PDE3B: variants seen among roughly 807,000 people sequenced by gnomAD.
PDE3B encodes phosphodiesterase 3B.
In PDE3B, 66 loss-of-function variants were observed where a neutral mutation model predicts 116.8. The observed-to-expected ratio is 0.56, with a 90% CI of 0.46 to 0.69. The LOEUF is 0.69. Ranked by LOEUF, PDE3B falls within the 30% of genes least tolerant of loss-of-function variation. PDE3B has a pLI of 0.00. For missense variants in PDE3B, 1,384 were observed against 1,368.1 expected, an observed-to-expected ratio of 1.01 and a Z score of -0.18; for synonymous variants, 595 against 533.6, an observed-to-expected ratio of 1.12 and a Z score of -1.59.
chr11:14,831,101 ATTATT>A (rs1859869739), intron 8 of PDE3B, among the ~76,000 whole-genome samples: 5 of 151,826 alleles, frequency 3.3e-5, no homozygotes, highest in African/African-American at 1.2e-4. Flanking sequence ...TATAAAATAT[ATTATT>A]TTCTATTCTG....
intron 3 of PDE3B, among the ~76,000 whole-genome samples, chr11:14,787,151 T>C (rs1166569301): frequency 6.6e-6 from 1 of 152,012 alleles, no homozygotes; most frequent in Non-Finnish European, 1.5e-5. Flanking sequence ...CTACTGAAGA[T>C]TACTGTAGCC....
intron 5 of PDE3B, among the ~76,000 whole-genome samples, chr11:14,811,165 G>T (rs370486818): frequency 7.5e-5 from 11 of 146,352 alleles, no homozygotes; most frequent in South Asian, 2.2e-4. Flanking sequence ...AGAAGCTCTT[G>T]AGTTTAATTA....
At chr11:14,876,371 T>C (rs1555009725), downstream of PDE3B, among the ~76,000 whole-genome samples, 1 of 152,064 alleles carries the variant, frequency 6.6e-6, no homozygotes, top group Admixed American at 6.6e-5. Context: ...TAAAGAAAGA[T>C]TCAAGAAGGT....
At chr11:14,815,411 C>T (rs1859292591) in intron 5 of PDE3B, among the ~76,000 whole-genome samples, 1 of 152,100 alleles carries the variant, frequency 6.6e-6, no homozygotes, top group Non-Finnish European at 1.5e-5. Flanking sequence ...GGCTGCCAAG[C>T]TCATTCAGGT....
chr11:14,815,969 A>ACACG (rs1554999073), intron 5 of PDE3B, among the ~76,000 whole-genome samples: 1 of 151,434 alleles, frequency 6.6e-6, no homozygotes, highest in African/African-American at 2.4e-5. Flanking sequence ...ACACACACAC[A>ACACG]CGCAGAGAAA....
intron 7 of PDE3B, among the ~76,000 whole-genome samples, chr11:14,820,232 C>CTTTTT (rs36115886): frequency 7.1e-6 from 1 of 140,768 alleles, no homozygotes; most frequent in Non-Finnish European, 1.5e-5. Context: ...CCAACTCATT[C>CTTTTT]TTTTTTTTTT....
At chr11:14,741,780 C>A (rs922174953) in intron 1 of PDE3B, among the ~76,000 whole-genome samples, 6 of 151,994 alleles carry the variant, frequency 3.9e-5, no homozygotes, top group African/African-American at 1.5e-4. Context: ...GTAAGGCAGG[C>A]CTGGTGATGA....
chr11:14,711,021 A>G (rs1855685876), intron 1 of PDE3B, among the ~76,000 whole-genome samples: 2 of 152,340 alleles, frequency 1.3e-5, no homozygotes, highest in South Asian at 2.1e-4. Context: ...AATGCCTGGA[A>G]AAAGAAATAA....
At chr11:14,715,497 T>C (rs7102741) in intron 1 of PDE3B, among the ~76,000 whole-genome samples, 18,038 of 152,106 alleles carry the variant, frequency 0.12, 1,363 homozygotes, top group African/African-American at 0.22. Flanking sequence ...GTTGGATTCC[T>C]AGGTATTTTA....
intron 3 of PDE3B, 80 bp from the exon 4 acceptor site, chr11:14,789,026 C>T: frequency 1.0e-6 from 1 of 954,784 alleles, no homozygotes; most frequent in Middle Eastern, 2.3e-4. Flanking sequence ...TGTATTGATA[C>T]TTTCATGTGC....
At chr11:14,890,750 G>C in the PDE3B span, 729 of 533,942 alleles carry the variant, frequency 1.4e-3, 9 homozygotes, top group African/African-American at 0.015. Flanking sequence ...GGGTTTCACC[G>C]TGTTAGCCAC....
Position 14,804,812 on chromosome 11 carries a change from G to A in PDE3B, c.1522+762G>A, listed in dbSNP as rs149059737. On this transcript the variant is annotated intron_variant, in intron 5 of 15. Transcript: ENST00000282096. ...AATGGCCAAAATGAATGGATACTTCGAATAGAGAACTAGAACACATAGAAA... is the reference window on the plus strand; with the variant it reads ...AATGGCCAAAATGAATGGATACTTCAAATAGAGAACTAGAACACATAGAAA... Among the ~76,000 whole-genome samples, 141 of 152,106 alleles carry A rather than the reference G, an allele frequency of 9.3e-4. 3 individuals are homozygous for A. In the East Asian group the frequency reaches 0.023, roughly 25 times the overall value.
chr11:14,886,097 T>C, the PDE3B span: 2 of 629,940 alleles, frequency 3.2e-6, no homozygotes, highest in Non-Finnish European at 5.6e-6. Context: ...CATGCAAAAC[T>C]GTGTGATTTC....
intron 12 of PDE3B, among the ~76,000 whole-genome samples, chr11:14,855,661 G>C (rs1025194341): frequency 6.6e-6 from 1 of 152,092 alleles, no homozygotes; most frequent in African/African-American, 2.4e-5. Flanking sequence ...GAGAGAGAGA[G>C]AGACAGAGAC....
At chr11:14,739,674 T>C (rs1856706992) in intron 1 of PDE3B, among the ~76,000 whole-genome samples, 1 of 152,208 alleles carries the variant, frequency 6.6e-6, no homozygotes. Flanking sequence ...CATCCTTGTC[T>C]TGTGCTGGTT....
intron 12 of PDE3B, among the ~76,000 whole-genome samples, chr11:14,850,624 G>T (rs1847725772): frequency 6.6e-6 from 1 of 151,974 alleles, no homozygotes; most frequent in Non-Finnish European, 1.5e-5. Flanking sequence ...CTTAATACCA[G>T]AGCTAAAATC....
At chr11:14,733,126 C>T (rs1178075888) in intron 1 of PDE3B, among the ~76,000 whole-genome samples, 7 of 152,084 alleles carry the variant, frequency 4.6e-5, no homozygotes, top group South Asian at 2.1e-4. Context: ...TTCAGATTCC[C>T]GTTTCTAAGA....
intron 7 of PDE3B, among the ~76,000 whole-genome samples, chr11:14,824,155 A>T (rs1156689906): frequency 6.6e-6 from 1 of 152,188 alleles, no homozygotes; most frequent in Non-Finnish European, 1.5e-5. Flanking sequence ...GTCAGACCAC[A>T]TCAATCAGAG....
At position 14,644,644 on chromosome 11, in the gene PDE3B, C is replaced by T; in HGVS notation, c.569C>T (p.Pro190Leu). ...DAGSAAPHTP[P>L]EAAAGRLLLV... ...GGGTCCGCGGCCCCGCACACGCCCCCGGAGGCGGCAGCGGGCAGGTTGCTG... is the reference window on the plus strand; with the variant it reads ...GGGTCCGCGGCCCCGCACACGCCCCTGGAGGCGGCAGCGGGCAGGTTGCTG... Residue 190 changes from proline (P) to leucine (L), a missense_variant, in exon 1 of 16, where the codon CCG (proline) becomes CTG (leucine). Transcript: ENST00000282096. The T allele has an allele frequency of 1.3e-6, 2 of 1,504,580 alleles. No homozygotes were observed. The highest frequency in any genetic ancestry group is 8.8e-7 in the Non-Finnish European group (1 of 1,129,944). 93.2% of individuals were successfully genotyped at this position (1,504,580 alleles called of 1,614,324 possible). A position where few individuals can be genotyped will look rare whatever the true frequency, so the allele number is the denominator to read the frequency against.
Sources: gnomAD v4.1 joint callset for allele counts (sites outside exome capture counted in the v4.1 genomes callset) on GRCh38, gnomAD v4.1.1 for gene constraint, MANE v1.5 for transcripts, NCBI Gene and HGNC (gene_info 2026-07-23, HGNC 2026-07-21) for gene names.